ACAP2: variants seen among roughly 807,000 people sequenced by gnomAD.
ACAP2 encodes the protein arf-GAP with coiled-coil, ANK repeat and PH domain-containing protein 2.
A neutral mutation model predicts 115.8 loss-of-function variants in ACAP2; 39 were observed. The ratio of observed to expected loss-of-function variants is 0.34; its 90% confidence interval spans 0.26 to 0.44. The LOEUF is 0.44. ACAP2 is among the 20% of genes least tolerant of loss of function. ACAP2 has a pLI of 1.00. For synonymous variants in ACAP2, 289 were observed against 315.8 expected, an observed-to-expected ratio of 0.92 and a Z score of 0.90; for missense variants, 662 against 927.6, an observed-to-expected ratio of 0.71 and a Z score of 3.72.
At chr3:195,376,174 A>G (rs1733515008) in intron 4 of ACAP2, among the ~76,000 whole-genome samples, 1 of 152,166 alleles carries the variant, frequency 6.6e-6, no homozygotes, top group Non-Finnish European at 1.5e-5. Flanking sequence ...TGGGCCGATC[A>G]CTTGAGGTCA....
At chr3:195,383,888 C>T (rs1426586424) in intron 2 of ACAP2, among the ~76,000 whole-genome samples, 1 of 152,136 alleles carries the variant, frequency 6.6e-6, no homozygotes, top group Non-Finnish European at 1.5e-5. Context: ...AAAAGATATT[C>T]ATTCTCACTA....
intron 4 of ACAP2, among the ~76,000 whole-genome samples, chr3:195,351,002 A>T (rs1415017777): frequency 6.6e-6 from 1 of 151,242 alleles, no homozygotes; most frequent in African/African-American, 2.4e-5. Flanking sequence ...CTGACTTCAT[A>T]AAAAAAAAGT....
chr3:195,374,604 A>G (rs1733387634), intron 4 of ACAP2, among the ~76,000 whole-genome samples: 1 of 152,244 alleles, frequency 6.6e-6, no homozygotes. Flanking sequence ...TAATATGCCT[A>G]TATAGGCAGT....
intron 10 of ACAP2, among the ~76,000 whole-genome samples, chr3:195,316,679 A>G (rs961303658): frequency 6.6e-6 from 1 of 151,938 alleles, no homozygotes; most frequent in Non-Finnish European, 1.5e-5. Flanking sequence ...GATTACAGGC[A>G]TGAACCACCA....
intron 10 of ACAP2, among the ~76,000 whole-genome samples, chr3:195,316,938 C>A (rs1729131614): frequency 7.0e-6 from 1 of 142,658 alleles, no homozygotes; most frequent in Non-Finnish European, 1.5e-5. Flanking sequence ...AAGAGTCTCA[C>A]CCAGGCTGGA....
intron 18 of ACAP2, among the ~76,000 whole-genome samples, chr3:195,293,831 CAAAAT>C (rs925520964): frequency 2.6e-5 from 4 of 151,806 alleles, no homozygotes; most frequent in Admixed American, 1.3e-4. Flanking sequence ...GAGCGAGACT[CAAAAT>C]AAAAAATAAA....
intron 18 of ACAP2, among the ~76,000 whole-genome samples, chr3:195,294,200 C>T (rs1727466116): frequency 6.6e-6 from 1 of 151,886 alleles, no homozygotes; most frequent in African/African-American, 2.4e-5. Flanking sequence ...GACAGAATTT[C>T]CAAATATGAA....
intron 10 of ACAP2, among the ~76,000 whole-genome samples, chr3:195,316,896 T>A (rs1729126254): frequency 9.4e-6 from 1 of 106,192 alleles, no homozygotes; most frequent in African/African-American, 3.9e-5. Flanking sequence ...TCAGTGAATT[T>A]TTTTTTTTTT....
chr3:195,423,622 CAAAAAAAAAA>C (rs59649323), intron 1 of ACAP2, among the ~76,000 whole-genome samples: 2 of 92,632 alleles, frequency 2.2e-5, no homozygotes, highest in East Asian at 2.7e-4. Context: ...GACTCCGTCT[CAAAAAAAAAA>C]AAAAAAAAAA....
chr3:195,383,990 T>TA (rs1734120521), intron 2 of ACAP2, among the ~76,000 whole-genome samples: 1 of 152,204 alleles, frequency 6.6e-6, no homozygotes, highest in Admixed American at 6.5e-5. Flanking sequence ...AGAGGGCAGT[T>TA]ATGGGGAAAT....
At chr3:195,416,959 A>C (rs1385688599) in intron 1 of ACAP2, among the ~76,000 whole-genome samples, 6 of 151,954 alleles carry the variant, frequency 3.9e-5, no homozygotes, top group Non-Finnish European at 8.8e-5. Context: ...TCTGTCACCC[A>C]TGCTGAAATA....
chr3:195,327,756 C>T (rs1729889689), intron 8 of ACAP2, among the ~76,000 whole-genome samples: 1 of 151,908 alleles, frequency 6.6e-6, no homozygotes, highest in African/African-American at 2.4e-5. Context: ...ATAGAGAAAC[C>T]CCGTCTCTCC....
At chr3:195,326,640 C>T (rs1428920507) in intron 9 of ACAP2, 1 of 407,916 alleles carries the variant, frequency 2.5e-6, no homozygotes, top group Non-Finnish European at 4.5e-6. Context: ...AGTTAAGTTC[C>T]TAAGAGATTC....
At chr3:195,279,721 T>A (rs1188610433) in intron 22 of ACAP2, 2 of 192,854 alleles carry the variant, frequency 1.0e-5, no homozygotes, top group African/African-American at 4.7e-5. Context: ...ATACGTTTAT[T>A]AACACACGGG....
intron 4 of ACAP2, among the ~76,000 whole-genome samples, chr3:195,371,526 C>A (rs1733142554): frequency 6.6e-6 from 1 of 152,286 alleles, no homozygotes; most frequent in East Asian, 1.9e-4. Flanking sequence ...TTCCTCTCTT[C>A]CTATTTGGAT....
chr3:195,292,186 C>T (rs1457243589), intron 19 of ACAP2, 79 bp downstream of exon 19: 11 of 1,460,222 alleles, frequency 7.5e-6, no homozygotes, highest in Non-Finnish European at 8.2e-6. Context: ...AAAGACAATA[C>T]TAAAGCCAGT....
chr3:195,356,809 G>A (rs993393921), intron 4 of ACAP2, among the ~76,000 whole-genome samples: 6 of 151,798 alleles, frequency 4.0e-5, no homozygotes, highest in Non-Finnish European at 7.4e-5. Context: ...CTTAGACCCT[G>A]AATAATCACC....
At chr3:195,303,268 G>C (rs986432501) in intron 13 of ACAP2, among the ~76,000 whole-genome samples, 2 of 151,930 alleles carry the variant, frequency 1.3e-5, no homozygotes, top group Non-Finnish European at 2.9e-5. Flanking sequence ...AATTAGCTAG[G>C]CATGGTGATG....
chr3:195,326,326 A>G (rs1386192842), intron 9 of ACAP2: 1 of 152,280 alleles, frequency 6.6e-6, no homozygotes, highest in Non-Finnish European at 1.5e-5. Flanking sequence ...AGAAATAAAA[A>G]CTGGTTTAAT....
Sources: allele counts gnomAD v4.1 joint callset (sites outside exome capture counted in the v4.1 genomes callset), GRCh38; gene constraint gnomAD v4.1.1; transcripts MANE v1.5; gene names NCBI Gene and HGNC (gene_info 2026-07-23, HGNC 2026-07-21).